USP6: variants seen among roughly 807,000 people sequenced by gnomAD.
USP6 encodes the protein ubiquitin carboxyl-terminal hydrolase 6.
A neutral mutation model predicts 175.7 loss-of-function variants in USP6; 128 were observed. The observed-to-expected ratio is 0.73, with a 90% CI of 0.63 to 0.84. USP6 has a LOEUF of 0.84. Among genes scored for constraint, USP6 ranks in the 40% least tolerant of loss-of-function variants. USP6 has a pLI of 0.00. For synonymous variants in USP6, 562 were observed against 630.6 expected (o/e 0.89, Z 1.63); for missense variants, 1,498 against 1,760.3 (o/e 0.85, Z 2.67).
At position 5,141,914 on chromosome 17, in the gene USP6, T is replaced by C. The variant is rs1277191678; in HGVS notation, c.1574-89T>C. 3.3e-6 allele frequency: 5 copies of C among 1,512,630 alleles called. No homozygotes were observed. The South Asian group carries it at 5.5e-5, about 17-fold the overall frequency. 93.7% of individuals were successfully genotyped at this position (1,512,630 alleles called of 1,614,324 possible). On this transcript the variant is annotated intron_variant, in intron 23 of 37. Transcript: ENST00000574788. ...ACCATTTAGCTGATTATGAGAGTTATAAAAAATCTTTTCATTGAATATAAG... is the reference window on the plus strand; with the variant it reads ...ACCATTTAGCTGATTATGAGAGTTACAAAAAATCTTTTCATTGAATATAAG...
At chr17:5,140,533 A>G (rs2073414700) in intron 22 of USP6, among the ~76,000 whole-genome samples, 8 of 152,188 alleles carry the variant, frequency 5.3e-5, no homozygotes, top group Admixed American at 5.2e-4. Context: ...TGATTGTACC[A>G]CTGCACTCCA....
At chr17:5,135,322 C>T (rs2073218039) in intron 16 of USP6, 40 bp downstream of exon 16, 1 of 1,608,186 alleles carries the variant, frequency 6.2e-7, no homozygotes, top group Non-Finnish European at 8.5e-7. Flanking sequence ...GCTGTATTTC[C>T]ATATTCACAG....
At chr17:5,171,093 A>C (rs2074207545) in intron 36 of USP6, among the ~76,000 whole-genome samples, 178 bp downstream of exon 36, 1 of 152,184 alleles carries the variant, frequency 6.6e-6, no homozygotes, top group Non-Finnish European at 1.5e-5. Context: ...TCACACCTGT[A>C]ATCCCAGCAC....
Position 5,137,131 on chromosome 17 carries a change from G to T in USP6, c.770G>T (p.Gly257Val). 6.2e-7 allele frequency: 1 copy of T among 1,613,580 alleles called. No individual in the cohort carries two copies. Among genetic ancestry groups the T allele is most frequent in the Admixed American group, 1.7e-5 (1 of 60,010 alleles). The change falls in exon 19 of 38, where the codon GGT (glycine) becomes GTT (valine). Residue 257 changes from glycine to valine, a missense_variant. Physicochemically the swap from Gly to Val is moderately radical, Grantham distance 109. Around this residue, in one of 2 missense-constraint regions of USP6, gnomAD observed 1,217 missense variants for 1,500.8 expected, o/e 0.81. Coordinates refer to ENST00000574788, the MANE Select transcript of USP6 (RefSeq NM_001304284.2). ...PKTMWHQDKE[G>V]LCGQCASLGC... Reference sequence around the variant, plus strand: ...TGTTCATCCCATCAGGACAAGGAAGGTCTATGCGGGCAGTGTGCCTCGTTA... The same window carrying T: ...TGTTCATCCCATCAGGACAAGGAAGTTCTATGCGGGCAGTGTGCCTCGTTA...
chr17:5,143,776 A>G (rs971598730), intron 25 of USP6, among the ~76,000 whole-genome samples: 7 of 151,474 alleles, frequency 4.6e-5, no homozygotes, highest in African/African-American at 1.7e-4. Flanking sequence ...AAAATTTGGT[A>G]GGCATAGTGG....
rs767377668 is a variant in USP6, at chr17:5,168,994, G to A, written c.3456G>A (p.Glu1152=). 5 of 1,613,990 alleles carry A rather than the reference G, an allele frequency of 3.1e-6. No homozygotes were observed. The highest frequency in any genetic ancestry group is 1.1e-5 in the South Asian group (1 of 91,076). Residue 1152 remains glutamate (E), a synonymous_variant, in exon 35 of 38, where the codon GAG becomes GAA. Coordinates refer to ENST00000574788, the MANE Select transcript of USP6 (RefSeq NM_001304284.2). ...KVDAQSSAGK[E]DMLLSKSPSS... ...ATGCGCAGAGTTCGGCTGGAAAAGA[G>A]GACATGCTCCTAAGCAAAAGCCCAT...
Position 5,138,177 on chromosome 17 carries a change from T to C in USP6, c.982T>C (p.Phe328Leu). Residue 328 changes from phenylalanine (F) to leucine (L), a missense_variant, in exon 21 of 38, where the codon TTC (phenylalanine) becomes CTC (leucine). Phe to Leu is a conservative substitution (Grantham distance 22). Coordinates refer to ENST00000574788, the MANE Select transcript of USP6 (RefSeq NM_001304284.2). The stretch of plus-strand genomic sequence containing the variant: ...GTGGGCACGTCTGCGGAACCAATTC[T>C]TCGATACCTGGGCCATGAACGATGA... ...GLWARLRNQF[F>L]DTWAMNDDTV... The C allele has an allele frequency of 6.2e-7, 1 of 1,614,042 alleles. No homozygotes were observed. The highest frequency in any genetic ancestry group is 8.5e-7 in the Non-Finnish European group (1 of 1,179,978).
rs2073320518 is a variant in USP6, at chr17:5,138,184, C to T, written c.989C>T (p.Thr330Ile). 1.2e-6 allele frequency: 2 copies of T among 1,614,090 alleles called. No individual in the cohort carries two copies. Among genetic ancestry groups the T allele is most frequent in the African/African-American group, 1.3e-5 (1 of 74,998 alleles). The part of the protein sequence containing the change: ...WARLRNQFFD[T>I]WAMNDDTVLK... ...CGTCTGCGGAACCAATTCTTCGATA[C>T]CTGGGCCATGAACGATGACACCGTG... is the stretch of plus-strand genomic sequence containing the variant. Residue 330 changes from threonine to isoleucine, a missense_variant, in exon 21 of 38, where the codon ACC becomes ATC. Around this residue, in one of 2 missense-constraint regions of USP6, gnomAD observed 1,217 missense variants for 1,500.8 expected, o/e 0.81. Coordinates refer to ENST00000574788, the MANE Select transcript of USP6 (RefSeq NM_001304284.2).
intron 31 of USP6, 105 bp downstream of exon 31, chr17:5,155,711 G>T: frequency 2.8e-6 from 3 of 1,081,956 alleles, no homozygotes; most frequent in Non-Finnish European, 3.7e-6. Flanking sequence ...CAAGTTTGGC[G>T]CCCAGCCAAA....
intron 27 of USP6, 56 bp from the exon 28 acceptor site, chr17:5,145,967 T>G (rs1357460864): frequency 2.6e-6 from 4 of 1,520,746 alleles, no homozygotes; most frequent in Admixed American, 2.1e-5. Context: ...ACACAGCATT[T>G]AAGGCTTTCA....
At chr17:5,131,571 G>T (rs1278886205) in intron 11 of USP6, among the ~76,000 whole-genome samples, 2 of 151,436 alleles carry the variant, frequency 1.3e-5, no homozygotes, top group Non-Finnish European at 2.9e-5. Flanking sequence ...GTGTCCCCAT[G>T]GGGAAGGGGG....
intron 31 of USP6, among the ~76,000 whole-genome samples, chr17:5,160,029 C>T (rs1045763021): frequency 2.0e-5 from 3 of 151,448 alleles, no homozygotes; most frequent in African/African-American, 7.3e-5. Flanking sequence ...AGCCAGGCTT[C>T]GTTCAGTTAG....
Position 5,155,594 on chromosome 17 carries a change from A to G in USP6, c.2816A>G (p.His939Arg), listed in dbSNP as rs772527191. The G allele has an allele frequency of 2.5e-6, 4 of 1,613,930 alleles. No individual in the cohort carries two copies. The highest frequency in any genetic ancestry group is 2.5e-6 in the Non-Finnish European group (3 of 1,179,974). The change falls in exon 31 of 38, where the codon CAT (histidine) becomes CGT (arginine). Residue 939 changes from histidine to arginine, a missense_variant. Coordinates refer to ENST00000574788, the MANE Select transcript of USP6 (RefSeq NM_001304284.2). ...RPLPPQEASI[H>R]AQDRDNCMGY... is the part of the protein sequence containing the mutation. ...CTCCCACCTCAGGAAGCTAGTATTC[A>G]TGCCCAGGATCGGTGAGTTCAGGGG... is the stretch of plus-strand genomic sequence containing the variant.
chr17:5,170,760 G>A lies in USP6; in HGVS notation c.3799G>A (p.Ala1267Thr), dbSNP rs1428340861. The A allele has an allele frequency of 1.9e-6, 3 of 1,613,854 alleles. No individual in the cohort carries two copies. In the African/African-American group the frequency reaches 4.0e-5, roughly 22 times the overall value. The change falls in exon 36 of 38, where the codon GCC becomes ACC. Residue 1267 changes from alanine (A) to threonine (T), a missense_variant. Physicochemically the swap from Ala to Thr is moderately conservative, Grantham distance 58 (BLOSUM62 0). Coordinates refer to ENST00000574788, the MANE Select transcript of USP6 (RefSeq NM_001304284.2). ...VTPQDHEVAL[A>T]NGFLYEHEAC... is the part of the protein sequence containing the mutation. ...TCCTCAGGACCATGAGGTAGCTTTG[G>A]CCAATGGATTCCTTTATGAGCATGA...
At chr17:5,139,715 T>A in intron 22 of USP6, 41 bp downstream of exon 22, 1 of 1,599,740 alleles carries the variant, frequency 6.3e-7, no homozygotes, top group African/African-American at 1.3e-5. Context: ...AATGTGGGCA[T>A]GGACTTCCCG....
At chr17:5,139,161 C>T in intron 21 of USP6, 94 bp from the exon 22 acceptor site, 1 of 1,598,104 alleles carries the variant, frequency 6.3e-7, no homozygotes, top group Non-Finnish European at 8.5e-7. Flanking sequence ...CACAGAGACC[C>T]CAAGGACTCC....
rs577918523 is a variant in USP6, at chr17:5,173,596, C to T, written c.*618C>T. Reference sequence around the variant, plus strand: ...CACAACCAGTCATTGGTGGCAGGGGCATAGAGTGGTCAGTCTGAAAGGGAG... The same window carrying T: ...CACAACCAGTCATTGGTGGCAGGGGTATAGAGTGGTCAGTCTGAAAGGGAG... On this transcript the variant is annotated 3_prime_UTR_variant, in exon 38 of 38. Coordinates refer to ENST00000574788, the MANE Select transcript of USP6 (RefSeq NM_001304284.2). 6 of 219,446 alleles carry T rather than the reference C, an allele frequency of 2.7e-5. No homozygotes were observed. In the Admixed American group the frequency reaches 3.5e-4, roughly 13 times the overall value. The allele number at this position is 219,446 out of a possible 1,614,324, so 13.6% of individuals were successfully genotyped here.
In USP6 at chr17:5,148,526, A is replaced by T. The variant is rs57260135; in HGVS notation, c.2432-30A>T. ...GCAAAGATGAAAATACCACAAGCTT[A>T]TGATGCTGTACTTATCTTTGAATTT... On this transcript the variant is annotated intron_variant, in intron 29 of 37. Coordinates refer to ENST00000574788, the MANE Select transcript of USP6 (RefSeq NM_001304284.2). 13 of 1,611,344 alleles carry T rather than the reference A, an allele frequency of 8.1e-6. No individual in the cohort carries two copies. The East Asian group carries it at 2.5e-4, about 30-fold the overall frequency.
chr17:5,155,541 G>C lies in USP6; in HGVS notation c.2763G>C (p.Trp921Cys), dbSNP rs755018148. The C allele has an allele frequency of 1.9e-6, 3 of 1,614,112 alleles. No homozygotes were observed. In the South Asian group the frequency reaches 3.3e-5, roughly 18 times the overall value. Reference sequence around the variant, plus strand: ...AGAAAGACCTATATGATGCGGTTTGGATTCAAGTATCCTGGTTAGCAAGAC... The same window carrying C: ...AGAAAGACCTATATGATGCGGTTTGCATTCAAGTATCCTGGTTAGCAAGAC... ...TRKKDLYDAVWIQVSWLARPL... is the reference protein window; with the variant it reads ...TRKKDLYDAVCIQVSWLARPL... Residue 921 changes from tryptophan to cysteine, a missense_variant, in exon 31 of 38, where the codon TGG (tryptophan) becomes TGC (cysteine). Around this residue, in one of 2 missense-constraint regions of USP6, gnomAD observed 1,217 missense variants for 1,500.8 expected, o/e 0.81. Transcript: ENST00000574788.
Sources: allele counts gnomAD v4.1 joint callset (sites outside exome capture counted in the v4.1 genomes callset), GRCh38; gene constraint gnomAD v4.1.1; regional missense constraint gnomAD v4.1.1; transcripts MANE v1.5; gene names NCBI Gene and HGNC (gene_info 2026-07-23, HGNC 2026-07-21).